The following E2F3 variants were observed in gnomAD, a reference collection of about 807,000 sequenced individuals.
The protein encoded by E2F3 is E2F transcription factor 3.
E2F3 carries 11 observed loss-of-function variants against 44.4 expected under a neutral mutation model. The observed-to-expected ratio is 0.25, with a 90% CI of 0.16 to 0.41. E2F3 has a LOEUF of 0.41. Among genes scored for constraint, E2F3 ranks in the 10% least tolerant of loss-of-function variants. The pLI is 1.00. For missense variants in E2F3, 487 were observed against 583.6 expected (o/e 0.83, Z 1.70); for synonymous variants, 249 against 253.0 (o/e 0.98, Z 0.15).
At chr6:20,454,027 C>A (rs1258629832) in intron 1 of E2F3, among the ~76,000 whole-genome samples, 1 of 152,230 alleles carries the variant, frequency 6.6e-6, no homozygotes, top group African/African-American at 2.4e-5. Context: ...TGGCACAATT[C>A]TCAAGATTTA....
chr6:20,420,058 G>T (rs1445023270), intron 1 of E2F3, among the ~76,000 whole-genome samples: 1 of 152,156 alleles, frequency 6.6e-6, no homozygotes, highest in Non-Finnish European at 1.5e-5. Flanking sequence ...TAGAGATGAG[G>T]TTTTACCATG....
At chr6:20,475,221 A>G (rs1445432343) in intron 1 of E2F3, among the ~76,000 whole-genome samples, 1 of 152,234 alleles carries the variant, frequency 6.6e-6, no homozygotes, top group Non-Finnish European at 1.5e-5. Flanking sequence ...AATTTGGTCA[A>G]TTTATGGTTT....
intron 2 of E2F3, among the ~76,000 whole-genome samples, chr6:20,480,590 T>C (rs147051392): frequency 6.4e-4 from 98 of 152,364 alleles, no homozygotes; most frequent in Non-Finnish European, 1.2e-3. Context: ...AACCTTGACC[T>C]GTGCACCTAT....
Position 20,402,826 on chromosome 6 carries a change from G to A in E2F3, c.393+201G>A, listed in dbSNP as rs1356478537. 2.0e-5 allele frequency among the ~76,000 whole-genome samples: 3 copies of A among 152,094 alleles called. No individual in the cohort carries two copies. Among genetic ancestry groups the A allele is most frequent in the African/African-American group, 7.2e-5 (3 of 41,418 alleles). On this transcript the variant is annotated intron_variant, in intron 1 of 6. Coordinates refer to ENST00000346618, the MANE Select transcript of E2F3 (RefSeq NM_001949.5). This position sits in a 1 kb window ranked among gnomAD's most constrained non-coding sequence, Gnocchi z 5.6. ...CAGGAGGGTCGGGGGGCTCGGCCAG[G>A]CGCGCGGGGCGGCGGGGATTGCCTT...
rs1759314968 is a variant in E2F3, at chr6:20,401,896, G to A, written c.-337G>A. 1 of 376,990 alleles carries A rather than the reference G, an allele frequency of 2.7e-6. No individual in the cohort carries two copies. The highest frequency in any genetic ancestry group is 4.7e-6 in the Non-Finnish European group (1 of 213,202). 23.4% of individuals were successfully genotyped at this position (376,990 alleles called of 1,614,324 possible). ...ATCCCTTCATTCATTGTCAGCAGCA[G>A]CTTCCTGGAGCCATTTTTCAGCTGC... On this transcript the variant is annotated 5_prime_UTR_variant, in exon 1 of 7. Transcript: ENST00000346618.
chr6:20,489,165 A>G (rs1762485651), intron 6 of E2F3, among the ~76,000 whole-genome samples: 1 of 152,236 alleles, frequency 6.6e-6, no homozygotes, highest in South Asian at 2.1e-4. Context: ...ATTTAAGTGA[A>G]TAAGTCTGAT....
intron 1 of E2F3, among the ~76,000 whole-genome samples, chr6:20,446,041 T>C (rs1760933031): frequency 6.6e-6 from 1 of 152,158 alleles, no homozygotes; most frequent in Non-Finnish European, 1.5e-5. Context: ...TGCACAGCTT[T>C]GGGGTGTGGG....
At chr6:20,412,581 G>A (rs1039196717) in intron 1 of E2F3, among the ~76,000 whole-genome samples, 3 of 151,612 alleles carry the variant, frequency 2.0e-5, no homozygotes, top group Non-Finnish European at 4.4e-5. Context: ...TAGAATTGGA[G>A]TTGCCTTTCT....
chr6:20,452,175 G>A (rs980119285), intron 1 of E2F3, among the ~76,000 whole-genome samples: 1 of 152,140 alleles, frequency 6.6e-6, no homozygotes, highest in Admixed American at 6.6e-5. Flanking sequence ...CTGTAAATCT[G>A]TCTGGTCCTG....
At chr6:20,454,337 T>C (rs1226121677) in intron 1 of E2F3, among the ~76,000 whole-genome samples, 3 of 152,208 alleles carry the variant, frequency 2.0e-5, no homozygotes, top group Non-Finnish European at 4.4e-5. Context: ...ACCTTAGAGG[T>C]AATATTTAAT....
At chr6:20,473,211 A>G (rs1761947469) in intron 1 of E2F3, among the ~76,000 whole-genome samples, 1 of 152,234 alleles carries the variant, frequency 6.6e-6, no homozygotes, top group South Asian at 2.1e-4. Context: ...TAAATCAGGA[A>G]TAAAATAAAG....
intron 1 of E2F3, among the ~76,000 whole-genome samples, chr6:20,457,348 C>CTTTTT (rs60238519): frequency 2.3e-4 from 25 of 109,492 alleles, no homozygotes; most frequent in East Asian, 8.1e-4. Flanking sequence ...CTTATTTTTT[C>CTTTTT]TTTTTTTTTT....
chr6:20,445,152 C>T, intron 1 of E2F3: 1 of 985,268 alleles, frequency 1.0e-6, no homozygotes, highest in South Asian at 4.7e-5. Flanking sequence ...CTAGTGGCAG[C>T]AGCGCCTTGT....
At chr6:20,471,396 A>G (rs1168282872) in intron 1 of E2F3, among the ~76,000 whole-genome samples, 1 of 152,190 alleles carries the variant, frequency 6.6e-6, no homozygotes, top group East Asian at 1.9e-4. Context: ...TAGCCTGGCC[A>G]ACATGGTGAA....
intron 5 of E2F3, 71 bp downstream of exon 5, chr6:20,486,874 C>T (rs559082617): frequency 2.0e-6 from 2 of 993,360 alleles, no homozygotes; most frequent in East Asian, 2.5e-5. Context: ...GACTCATTGA[C>T]TCATAGTTAA....
At position 20,402,747 on chromosome 6, in the gene E2F3, G is replaced by C; in HGVS notation, c.393+122G>C. 8.0e-7 allele frequency: 1 copy of C among 1,247,364 alleles called. No individual in the cohort carries two copies. The highest frequency in any genetic ancestry group is 3.3e-5 in the East Asian group (1 of 30,676). 77.3% of individuals were successfully genotyped at this position (1,247,364 alleles called of 1,614,324 possible). ...CTGGGCCGAGCATCGTGGGCCTCGG[G>C]GGCTGCCCCTCCAACGAGGGTTCAT... On this transcript the variant is annotated intron_variant, in intron 1 of 6. Coordinates refer to ENST00000346618, the MANE Select transcript of E2F3 (RefSeq NM_001949.5). This position sits in a 1 kb window ranked among gnomAD's most constrained non-coding sequence, Gnocchi z 5.6.
At chr6:20,420,639 G>A (rs1459378027) in intron 1 of E2F3, among the ~76,000 whole-genome samples, 2 of 152,084 alleles carry the variant, frequency 1.3e-5, no homozygotes, top group African/African-American at 4.8e-5. Context: ...AAAAACCAAC[G>A]TACATATTCT....
At chr6:20,461,401 G>A (rs1024543101) in intron 1 of E2F3, among the ~76,000 whole-genome samples, 2 of 152,144 alleles carry the variant, frequency 1.3e-5, no homozygotes, top group African/African-American at 2.4e-5. Context: ...GGCTGAGGCG[G>A]GAGAATGGCG....
intron 3 of E2F3, among the ~76,000 whole-genome samples, 182 bp downstream of exon 3, chr6:20,481,607 CAA>C (rs1024403243): frequency 6.6e-6 from 1 of 152,112 alleles, no homozygotes; most frequent in Admixed American, 6.5e-5. Flanking sequence ...AGTCTCTTTA[CAA>C]AGAGACTTTG....
Sources: gnomAD v4.1 joint callset for allele counts (sites outside exome capture counted in the v4.1 genomes callset) on GRCh38, gnomAD v4.1.1 for gene constraint, Gnocchi (gnomAD v3.1) non-coding constraint, MANE v1.5 for transcripts, NCBI Gene and HGNC (gene_info 2026-07-23, HGNC 2026-07-21) for gene names.